TEX9: variants seen among roughly 807,000 people sequenced by gnomAD.
The protein encoded by TEX9 is testis-expressed protein 9.
Under a neutral mutation model 59.6 loss-of-function variants are expected in TEX9, and 74 were observed. The ratio of observed to expected loss-of-function variants is 1.24; its 90% CI spans 1.03 to 1.51. The LOEUF is 1.51. TEX9 is among the 40% of genes most tolerant of loss of function. The pLI is 0.00. For synonymous variants in TEX9, 186 were observed against 152.2 expected (o/e 1.22, Z -1.64); for missense variants, 522 against 447.8 (o/e 1.17, Z -1.49).
At chr15:56,440,856 A>G (rs1344113150) in intron 12 of TEX9, among the ~76,000 whole-genome samples, 1 of 152,176 alleles carries the variant, frequency 6.6e-6, no homozygotes, top group Non-Finnish European at 1.5e-5. Context: ...TTACATGGAT[A>G]TACTATATTT....
At position 56,428,951 on chromosome 15, in the gene TEX9, TAATTGTTTACAAGTTATGA is replaced by T. The variant is rs533004737; in HGVS notation, c.*29+483_*29+501del. 7 of 562,238 alleles carry T rather than the reference TAATTGTTTACAAGTTATGA, an allele frequency of 1.2e-5. No homozygotes were observed. The South Asian group carries it at 1.5e-4, about 12-fold the overall frequency. 34.8% of individuals were successfully genotyped at this position (562,238 alleles called of 1,614,324 possible). A position where few individuals can be genotyped will look rare whatever the true frequency, so the allele number is the denominator to read the frequency against. On this transcript the variant is annotated intron_variant, in intron 12 of 12. Coordinates refer to ENST00000352903, the Ensembl canonical transcript of TEX9. ...TTGATTAAAATTAATTTGTATCTGATAATTGTTTACAAGTTATGAAATTCAGTGATGATTTACAAAATCC... is the reference window on the plus strand; with the variant it reads ...TTGATTAAAATTAATTTGTATCTGATAATTCAGTGATGATTTACAAAATCC...
the TEX9 span, among the ~76,000 whole-genome samples, chr15:56,457,797 G>C: frequency 6.6e-6 from 1 of 151,436 alleles, no homozygotes; most frequent in South Asian, 2.1e-4. Flanking sequence ...CTGGGCAACA[G>C]AGCAAGACCC....
intron 1 of TEX9, among the ~76,000 whole-genome samples, chr15:56,283,049 GGTGTGT>G (rs3985761): frequency 0.036 from 5,343 of 148,530 alleles, 333 homozygotes; most frequent in African/African-American, 0.12. Context: ...TACATTGTGT[GGTGTGT>G]GTGTGTGTGT....
intron 1 of TEX9, among the ~76,000 whole-genome samples, chr15:56,307,102 A>T: frequency 6.6e-6 from 1 of 152,210 alleles, no homozygotes; most frequent in East Asian, 1.9e-4. Context: ...ATGACTAAAT[A>T]TCGGTGAGTA....
At chr15:56,448,450 A>G (rs1298459308), downstream of TEX9, among the ~76,000 whole-genome samples, 3 of 151,864 alleles carry the variant, frequency 2.0e-5, no homozygotes, top group Middle Eastern at 6.8e-3. Flanking sequence ...TGTGTACTCA[A>G]TGTTTAGCTC....
the TEX9 span, among the ~76,000 whole-genome samples, chr15:56,459,748 T>C: frequency 0.044 from 6,729 of 151,484 alleles, 223 homozygotes; most frequent in Admixed American, 0.088. Context: ...GGGAGCACTT[T>C]GGGAGGCCGA....
intron 2 of TEX9, among the ~76,000 whole-genome samples, chr15:56,367,226 T>A (rs1302919241): frequency 4.6e-5 from 7 of 152,114 alleles, no homozygotes; most frequent in African/African-American, 1.7e-4. Context: ...CTGTTATCTG[T>A]ACTCTGAGTT....
At chr15:56,260,344 A>C (rs373152051) in intron 1 of TEX9, among the ~76,000 whole-genome samples, 5 of 152,082 alleles carry the variant, frequency 3.3e-5, no homozygotes, top group East Asian at 3.8e-4. Context: ...TTCACCACTA[A>C]ATATGTTAGC....
chr15:56,364,151 CT>C (rs1220052286), upstream of TEX9, among the ~76,000 whole-genome samples: 1 of 149,772 alleles, frequency 6.7e-6, no homozygotes, highest in South Asian at 2.1e-4. Context: ...TTTTTTTTTC[CT>C]TTTTTTTGTT....
At chr15:56,302,126 T>C (rs1357129386) in intron 1 of TEX9, among the ~76,000 whole-genome samples, 1 of 152,194 alleles carries the variant, frequency 6.6e-6, no homozygotes, top group African/African-American at 2.4e-5. Context: ...CAGTGTTAAG[T>C]TGTCATTAGT....
chr15:56,422,093 A>T (rs2050004350), intron 10 of TEX9, among the ~76,000 whole-genome samples: 1 of 107,192 alleles, frequency 9.3e-6, no homozygotes, highest in Non-Finnish European at 1.8e-5. Context: ...ACAGTGTAAA[A>T]GTGTTGTGGG....
intron 1 of TEX9, among the ~76,000 whole-genome samples, chr15:56,360,010 A>C (rs1418781978): frequency 1.3e-5 from 2 of 152,014 alleles, no homozygotes; most frequent in Non-Finnish European, 2.9e-5. Flanking sequence ...TTTCTTCTTT[A>C]TCCTCTTGAT....
At chr15:56,431,486 C>T in intron 12 of TEX9, 1 of 1,613,682 alleles carries the variant, frequency 6.2e-7, no homozygotes, top group South Asian at 1.1e-5. Flanking sequence ...TGCCACTCTT[C>T]TAGTTCACGT....
At chr15:56,347,403 G>C (rs2046492166) in intron 1 of TEX9, among the ~76,000 whole-genome samples, 1 of 152,050 alleles carries the variant, frequency 6.6e-6, no homozygotes, top group South Asian at 2.1e-4. Flanking sequence ...GAATATAACA[G>C]AGAACCCAGA....
Position 56,308,850 on chromosome 15 carries a change from T to C in TEX9, c.-107+64572T>C, listed in dbSNP as rs1331567215. Among the ~76,000 whole-genome samples, 3 of 152,206 alleles carry C rather than the reference T, an allele frequency of 2.0e-5. No homozygotes were observed. The East Asian group carries it at 5.8e-4, about 29-fold the overall frequency. On this transcript the variant is annotated intron_variant, in intron 1 of 5. Transcript: ENST00000560827. ...ATTTTATACTATTGCTGAAAATCAA[T>C]TGACCATAAGTAGAAGGACTTTTTT...
intron 9 of TEX9, 81 bp downstream of exon 9, chr15:56,394,915 T>A: frequency 7.5e-7 from 1 of 1,327,986 alleles, no homozygotes; most frequent in Non-Finnish European, 1.0e-6. Flanking sequence ...TAGATGCCAT[T>A]TTGACAGTTC....
In TEX9 at chr15:56,405,585, T is replaced by C. The variant is rs150689770; in HGVS notation, c.829-6717T>C. Among the ~76,000 whole-genome samples the C allele has an allele frequency of 2.7e-3, 413 of 152,320 alleles. 4 individuals carry two copies. The highest frequency in any genetic ancestry group is 9.5e-3 in the African/African-American group (393 of 41,558). On this transcript the variant is annotated intron_variant, in intron 9 of 12. Coordinates refer to ENST00000352903, the Ensembl canonical transcript of TEX9. ...TGATACACTGGCTATCTGAAGGCTT[T>C]TATAAAAGCTTCCATTGGATCTGAA...
intron 1 of TEX9, among the ~76,000 whole-genome samples, chr15:56,313,189 A>G (rs1288400840): frequency 1.3e-5 from 2 of 150,066 alleles, no homozygotes; most frequent in East Asian, 2.0e-4. Context: ...TATGTTGAAT[A>G]GGAGTGGTGA....
At chr15:56,456,065 T>G in the TEX9 span, among the ~76,000 whole-genome samples, 1 of 152,238 alleles carries the variant, frequency 6.6e-6, no homozygotes, top group South Asian at 2.1e-4. Flanking sequence ...GAAATTTATG[T>G]AGAGGTATAA....
Sources: allele counts gnomAD v4.1 joint callset (sites outside exome capture counted in the v4.1 genomes callset), GRCh38; gene constraint gnomAD v4.1.1; transcripts MANE v1.5; gene names NCBI Gene and HGNC (gene_info 2026-07-23, HGNC 2026-07-21).